The following PCDHA11 variants were observed in gnomAD, a reference collection of about 807,000 sequenced individuals.
PCDHA11 encodes protocadherin alpha-11.
In PCDHA11, 61 loss-of-function variants were observed where a neutral mutation model predicts 70.3. The ratio of observed to expected loss-of-function variants is 0.87; its 90% CI spans 0.71 to 1.07. The LOEUF (loss-of-function observed/expected upper bound fraction) is 1.07, where lower values mean the gene tolerates loss of function less well. Ranked by LOEUF, PCDHA11 falls within the 50% of genes least tolerant of loss-of-function variation. The pLI is 0.00. For missense variants in PCDHA11, 1,324 were observed against 1,237.5 expected (o/e 1.07, Z -1.05); for synonymous variants, 633 against 555.1 (o/e 1.14, Z -1.97).
intron 1 of PCDHA11, among the ~76,000 whole-genome samples, chr5:140,937,724 AAC>A (rs2091708035): frequency 6.6e-6 from 1 of 152,064 alleles, no homozygotes; most frequent in Non-Finnish European, 1.5e-5. Flanking sequence ...CATCCTGGCT[AAC>A]ACGGTGAAAC....
intron 1 of PCDHA11, among the ~76,000 whole-genome samples, chr5:140,930,792 A>G (rs782797665): frequency 4.9e-4 from 74 of 152,228 alleles, no homozygotes; most frequent in Admixed American, 1.4e-3. Flanking sequence ...AATATAATAG[A>G]ATCCAGCATA....
chr5:140,871,327 C>A lies in PCDHA11; in HGVS notation c.2224C>A (p.Arg742Ser). The change falls in exon 1 of 4, where the codon CGC (arginine) becomes AGC (serine). Residue 742 changes from arginine to serine, a missense_variant. Arg to Ser is a moderately radical substitution (Grantham distance 110). Coordinates refer to ENST00000398640, the MANE Select transcript of PCDHA11 (RefSeq NM_018902.5). ...APGKPTLVCS[R>S]AVGSWSYSQQ... ...GGGGAAGCCCACGCTGGTGTGCTCC[C>A]GCGCGGTGGGGAGCTGGTCATACTC... 1 of 1,614,102 alleles carries A rather than the reference C, an allele frequency of 6.2e-7. No homozygotes were observed. The highest frequency in any genetic ancestry group is 8.5e-7 in the Non-Finnish European group (1 of 1,180,028).
At chr5:140,905,380 T>G (rs1226315920) in intron 1 of PCDHA11, among the ~76,000 whole-genome samples, 1 of 152,216 alleles carries the variant, frequency 6.6e-6, no homozygotes, top group African/African-American at 2.4e-5. Context: ...TCTGTTCTGT[T>G]TCATAGGTCT....
chr5:140,996,175 C>T (rs1296990069), intron 3 of PCDHA11, among the ~76,000 whole-genome samples: 2 of 152,336 alleles, frequency 1.3e-5, no homozygotes, highest in Middle Eastern at 3.4e-3. Flanking sequence ...GTGCTGACAG[C>T]ACCTCCATTT....
intron 1 of PCDHA11, among the ~76,000 whole-genome samples, chr5:140,873,786 G>A (rs1354744282): frequency 3.3e-5 from 5 of 152,056 alleles, no homozygotes; most frequent in Non-Finnish European, 7.4e-5. Flanking sequence ...TCAGCTTTCC[G>A]AGAAGCTGGG....
intron 3 of PCDHA11, among the ~76,000 whole-genome samples, chr5:140,995,073 C>A (rs2097663037): frequency 6.6e-6 from 1 of 152,180 alleles, no homozygotes; most frequent in Non-Finnish European, 1.5e-5. Context: ...CAACCTACAG[C>A]AATCCAAACT....
intron 1 of PCDHA11, among the ~76,000 whole-genome samples, chr5:140,879,081 T>C (rs1425343317): frequency 1.3e-5 from 2 of 152,084 alleles, no homozygotes; most frequent in African/African-American, 4.8e-5. Flanking sequence ...GAGAGATAAG[T>C]AGGAACAACT....
intron 1 of PCDHA11, among the ~76,000 whole-genome samples, chr5:140,938,899 A>G (rs1175857132): frequency 1.3e-5 from 2 of 152,000 alleles, no homozygotes; most frequent in African/African-American, 2.4e-5. Context: ...ACAGATGCGC[A>G]CACACACACA....
chr5:141,005,287 A>AT (rs1405339052), intron 3 of PCDHA11, among the ~76,000 whole-genome samples: 5 of 152,162 alleles, frequency 3.3e-5, no homozygotes, highest in Admixed American at 1.3e-4. Context: ...AAACAGATAC[A>AT]TTTTTTGCCT....
intron 1 of PCDHA11, chr5:140,875,272 A>G: frequency 1.6e-6 from 2 of 1,265,056 alleles, no homozygotes; most frequent in Non-Finnish European, 2.1e-6. Context: ...CTCTACACTC[A>G]GAAGGTGAAA....
intron 1 of PCDHA11, among the ~76,000 whole-genome samples, chr5:140,888,153 G>A (rs2061714988): frequency 6.6e-6 from 1 of 152,056 alleles, no homozygotes; most frequent in African/African-American, 2.4e-5. Context: ...TTGCATGACT[G>A]GTAATCTCTA....
At chr5:140,873,283 A>G (rs1554166657) in intron 1 of PCDHA11, among the ~76,000 whole-genome samples, 1 of 152,258 alleles carries the variant, frequency 6.6e-6, no homozygotes, top group Non-Finnish European at 1.5e-5. Flanking sequence ...CATACCACTT[A>G]TGAAACTTTA....
intron 1 of PCDHA11, among the ~76,000 whole-genome samples, chr5:140,918,743 A>T (rs1346660934): frequency 6.6e-6 from 1 of 152,196 alleles, no homozygotes; most frequent in Non-Finnish European, 1.5e-5. Flanking sequence ...CCCTTATAAA[A>T]GAGGCCCAGA....
rs782342308 is a variant in PCDHA11, at chr5:140,870,955, C to G, written c.1852C>G (p.Arg618Gly). ...YELQPAAGGSRIPFRVGLYTG... is the reference protein window; with the variant it reads ...YELQPAAGGSGIPFRVGLYTG... ...ATTGCAGCCGGCGGCGGGCGGCTCG[C>G]GCATCCCGTTCCGCGTGGGGCTGTA... Residue 618 changes from arginine to glycine, a missense_variant, in exon 1 of 4, where the codon CGC becomes GGC. Arg to Gly is a moderately radical substitution (Grantham distance 125, BLOSUM62 -2). Coordinates refer to ENST00000398640, the MANE Select transcript of PCDHA11 (RefSeq NM_018902.5). 1 of 1,613,632 alleles carries G rather than the reference C, an allele frequency of 6.2e-7. No homozygotes were observed. Among genetic ancestry groups the G allele is most frequent in the South Asian group, 1.1e-5 (1 of 91,068 alleles).
chr5:140,952,219 C>T (rs1442706652), intron 1 of PCDHA11, among the ~76,000 whole-genome samples: 24 of 152,086 alleles, frequency 1.6e-4, no homozygotes, highest in African/African-American at 4.8e-4. Flanking sequence ...CTTTTCCAGG[C>T]ACAGTGTGCA....
Position 140,884,117 on chromosome 5 carries a change from G to A in PCDHA11, c.2391+12623G>A, listed in dbSNP as rs782383006. 1 of 1,613,298 alleles carries A rather than the reference G, an allele frequency of 6.2e-7. No homozygotes were observed. The highest frequency in any genetic ancestry group is 1.7e-5 in the Admixed American group (1 of 60,006). On this transcript the variant is annotated intron_variant, in intron 1 of 3. Transcript: ENST00000398640. ...GTATGAATTGCAGCTGGCGGCGGTC[G>A]GCGCGCGCATCCCGTTCCGCGTGGG...
At chr5:140,999,173 T>G (rs892201477) in intron 3 of PCDHA11, among the ~76,000 whole-genome samples, 20 of 152,158 alleles carry the variant, frequency 1.3e-4, no homozygotes, top group African/African-American at 4.3e-4. Context: ...GAAAAGAGCC[T>G]GATGGGGAGA....
chr5:140,980,762 T>C (rs1293384140), intron 2 of PCDHA11, among the ~76,000 whole-genome samples: 2 of 152,090 alleles, frequency 1.3e-5, no homozygotes, highest in Non-Finnish European at 2.9e-5. Context: ...AGAAATAAAA[T>C]AAAAATTGAA....
intron 1 of PCDHA11, among the ~76,000 whole-genome samples, chr5:140,898,262 C>G (rs2066619852): frequency 6.6e-6 from 1 of 152,130 alleles, no homozygotes; most frequent in Admixed American, 6.5e-5. Context: ...GAAGTCCTTG[C>G]CCATGCCTAA....
Sources: gnomAD v4.1 joint callset for allele counts (sites outside exome capture counted in the v4.1 genomes callset) on GRCh38, gnomAD v4.1.1 for gene constraint, MANE v1.5 for transcripts, NCBI Gene and HGNC (gene_info 2026-07-23, HGNC 2026-07-21) for gene names.